Variants in PCDH11X observed in about 807,000 individuals in gnomAD.
The protein encoded by PCDH11X is protocadherin-11 X-linked.
Under a neutral mutation model 53.3 loss-of-function variants are expected in PCDH11X, and 18 were observed. The ratio of observed to expected loss-of-function variants is 0.34; its 90% CI spans 0.23 to 0.50. The LOEUF (loss-of-function observed/expected upper bound fraction) is 0.50, where lower values mean the gene tolerates loss of function less well. Among genes scored for constraint, PCDH11X ranks in the 20% least tolerant of loss-of-function variants. The probability of loss-of-function intolerance (pLI) is 0.98; values close to 1 mark genes in which losing one functional copy is unlikely to be tolerated. For missense variants in PCDH11X, 570 were observed against 1,032.4 expected, an observed-to-expected ratio of 0.55 and a Z score of 6.14; for synonymous variants, 279 against 393.3, an observed-to-expected ratio of 0.71 and a Z score of 3.44.
intron 8 of PCDH11X, among the ~76,000 whole-genome samples, chrX:92,287,141 A>T (rs2068391935): frequency 9.0e-6 from 1 of 111,411 alleles, no homozygotes; most frequent in Non-Finnish European, 1.9e-5. Context: ...ATGTGAAAAT[A>T]GTGCTTCTTT....
intron 10 of PCDH11X, among the ~76,000 whole-genome samples, chrX:92,540,856 C>A (rs2074744676): frequency 9.3e-6 from 1 of 108,079 alleles, no homozygotes; most frequent in East Asian, 2.9e-4. Context: ...CATCTGTGAG[C>A]CAGAATGGGG....
chrX:92,265,870 GA>G (rs2067819040), intron 8 of PCDH11X, among the ~76,000 whole-genome samples: 1 of 112,058 alleles, frequency 8.9e-6, no homozygotes, highest in Admixed American at 9.5e-5. Context: ...TTGTGTTTTA[GA>G]AGTAACATTT....
chrX:91,950,568 T>TATATATATATATAAATG (rs1569272469), intron 6 of PCDH11X, among the ~76,000 whole-genome samples: 3 of 92,739 alleles, frequency 3.2e-5, no homozygotes, highest in African/African-American at 1.3e-4. Flanking sequence ...ATAAATGTGA[T>TATATATATATATAAATG]TGATATATAT....
intron 6 of PCDH11X, among the ~76,000 whole-genome samples, chrX:92,034,959 C>T (rs2063106252): frequency 1.8e-5 from 2 of 109,889 alleles, no homozygotes; most frequent in Non-Finnish European, 3.8e-5. Flanking sequence ...CAAATATCAT[C>T]TTATAACCCA....
chrX:91,908,016 C>T lies in PCDH11X; in HGVS notation c.3033+28743C>T, dbSNP rs1390898639. Among the ~76,000 whole-genome samples the T allele has an allele frequency of 8.9e-5, 10 of 111,787 alleles. No individual in the cohort carries two copies. The Admixed American group carries it at 9.5e-4, about 11-fold the overall frequency. On this transcript the variant is annotated intron_variant, in intron 6 of 10. Transcript: ENST00000682573. ...CCATGGTATACATGTACCACATTTT[C>T]TTTATCCAGTCTATCACTGATGGGC...
intron 6 of PCDH11X, among the ~76,000 whole-genome samples, chrX:92,108,880 C>A (rs1366067860): frequency 9.0e-6 from 1 of 111,488 alleles, no homozygotes; most frequent in African/African-American, 3.3e-5. Flanking sequence ...GTAAAATGTT[C>A]TATTATCATT....
At chrX:91,829,427 C>T (rs1473387225) in intron 4 of PCDH11X, among the ~76,000 whole-genome samples, 1 of 89,396 alleles carries the variant, frequency 1.1e-5, no homozygotes, top group Non-Finnish European at 2.2e-5. Flanking sequence ...CACACACACA[C>T]ACACACACAC....
intron 5 of PCDH11X, among the ~76,000 whole-genome samples, chrX:91,855,516 T>A (rs1938277901): frequency 9.2e-6 from 1 of 108,825 alleles, no homozygotes; most frequent in Non-Finnish European, 1.9e-5. Flanking sequence ...CTGAGGATTT[T>A]TTTTCTATTT....
intron 7 of PCDH11X, among the ~76,000 whole-genome samples, chrX:92,257,268 C>T (rs929672452): frequency 1.8e-5 from 2 of 111,228 alleles, no homozygotes; most frequent in Admixed American, 9.6e-5. Context: ...CCCCCATGAT[C>T]CAGTCATCTC....
In PCDH11X at chrX:92,508,226, G is replaced by GT. The variant is rs796268188; in HGVS notation, c.3367+39912dup. ...TAACTCTACTTTGTTTTTTTTTGTT[G>GT]TTTTTTTTGTTTTTGAGACAGAATT... On this transcript the variant is annotated intron_variant, in intron 10 of 10. Transcript: ENST00000682573. Among the ~76,000 whole-genome samples, 423 of 90,294 alleles carry GT rather than the reference G, an allele frequency of 4.7e-3. 1 individual carries two copies. The highest frequency in any genetic ancestry group is 0.017 in the Middle Eastern group (3 of 172). 78.4% of individuals were successfully genotyped at this position (90,294 alleles called of 115,157 possible). A position where few individuals can be genotyped will look rare whatever the true frequency, so the allele number is the denominator to read the frequency against.
intron 6 of PCDH11X, among the ~76,000 whole-genome samples, chrX:92,100,825 T>C (rs1401869103): frequency 4.5e-5 from 5 of 110,767 alleles, no homozygotes; most frequent in East Asian, 2.8e-4. Flanking sequence ...TCAGGGGCAG[T>C]GTGGGAACCT....
Position 92,065,908 on chromosome X carries a change from G to A in PCDH11X, c.3034-135467G>A, listed in dbSNP as rs1420359360. Among the ~76,000 whole-genome samples, 24 of 111,020 alleles carry A rather than the reference G, an allele frequency of 2.2e-4. 1 individual carries two copies. The highest frequency in any genetic ancestry group is 7.5e-5 in the Non-Finnish European group (4 of 53,044). ...TTTGCTTTGGTTGCCTGTGCTTCTG[G>A]GATATGACTGAAGAAATTTTTGCCC... On this transcript the variant is annotated intron_variant, in intron 6 of 10. Transcript: ENST00000682573.
intron 9 of PCDH11X, among the ~76,000 whole-genome samples, chrX:92,445,086 G>A (rs1445183397): frequency 3.9e-5 from 4 of 102,801 alleles, no homozygotes; most frequent in African/African-American, 1.4e-4. Context: ...AAGAGCTGCA[G>A]AGGAGCTCTT....
chrX:92,290,905 CTT>C (rs770461581), intron 8 of PCDH11X, among the ~76,000 whole-genome samples: 9 of 97,534 alleles, frequency 9.2e-5, no homozygotes, highest in Admixed American at 2.2e-4. Flanking sequence ...TTTCTTTTGT[CTT>C]TTTTTTTTTT....
intron 10 of PCDH11X, among the ~76,000 whole-genome samples, chrX:92,522,526 A>G (rs907029980): frequency 3.5e-4 from 39 of 111,281 alleles, no homozygotes; most frequent in African/African-American, 7.8e-4. Flanking sequence ...ACAGAGACCC[A>G]AAGTAAGCAC....
intron 6 of PCDH11X, among the ~76,000 whole-genome samples, chrX:92,090,993 G>A (rs962604857): frequency 8.9e-6 from 1 of 112,251 alleles, no homozygotes; most frequent in African/African-American, 3.2e-5. Flanking sequence ...GGGAATCCAT[G>A]TATACCAGTT....
intron 4 of PCDH11X, among the ~76,000 whole-genome samples, chrX:91,824,233 T>C (rs1277464305): frequency 1.8e-5 from 2 of 111,370 alleles, no homozygotes; most frequent in South Asian, 3.8e-4. Flanking sequence ...CCTTGCTAGA[T>C]TGGGGAAGTT....
At chrX:92,302,672 A>G (rs2068747670) in intron 8 of PCDH11X, among the ~76,000 whole-genome samples, 1 of 108,873 alleles carries the variant, frequency 9.2e-6, no homozygotes. Flanking sequence ...TTTTAAAATT[A>G]TCCTTTAAGA....
intron 8 of PCDH11X, among the ~76,000 whole-genome samples, chrX:92,272,417 CAATT>C (rs1295488037): frequency 8.9e-6 from 1 of 111,877 alleles, no homozygotes; most frequent in Non-Finnish European, 1.9e-5. Flanking sequence ...AAGCCTCTGA[CAATT>C]AATTATCAGG....
Sources: gnomAD v4.1 joint callset for allele counts (sites outside exome capture counted in the v4.1 genomes callset) on GRCh38, gnomAD v4.1.1 for gene constraint, MANE v1.5 for transcripts, NCBI Gene and HGNC (gene_info 2026-07-23, HGNC 2026-07-21) for gene names.